Variants in CDH18 observed in about 807,000 individuals in gnomAD.
CDH18 encodes the protein cadherin 18, also known as cadherin-18.
Under a neutral mutation model 67.9 loss-of-function variants are expected in CDH18, and 31 were observed. The ratio of observed to expected loss-of-function variants is 0.46; its 90% CI spans 0.34 to 0.62. The LOEUF (loss-of-function observed/expected upper bound fraction) is 0.62. CDH18 is among the 20% of genes least tolerant of loss of function. The pLI, the probability that CDH18 is intolerant of heterozygous loss-of-function variation, is 0.01. For synonymous variants in CDH18, 362 were observed against 347.2 expected, an observed-to-expected ratio of 1.04 and a Z score of -0.48; for missense variants, 890 against 975.5, an observed-to-expected ratio of 0.91 and a Z score of 1.17.
intron 2 of CDH18, among the ~76,000 whole-genome samples, chr5:20,161,618 A>G (rs1165486448): frequency 6.6e-6 from 1 of 152,206 alleles, no homozygotes; most frequent in African/African-American, 2.4e-5. Context: ...GATCATTCAT[A>G]TCCAGTTTCT....
At position 19,862,882 on chromosome 5, in the gene CDH18, TGCATA is replaced by T. The variant is rs1785055777; in HGVS notation, c.-256-23645_-256-23641del. ...CTGACCCTGAAAAGACAGTTTATTA[TGCATA>T]GTTGCCAGGAGAAGGGGGTATGCCA... On this transcript the variant is annotated intron_variant, in intron 2 of 12. Coordinates refer to ENST00000382275, the MANE Select transcript of CDH18 (RefSeq NM_004934.5). Among the ~76,000 whole-genome samples the T allele has an allele frequency of 5.3e-5, 8 of 151,446 alleles. No homozygotes were observed. In the South Asian group the frequency reaches 1.7e-3, roughly 31 times the overall value.
Position 19,472,592 on chromosome 5 carries a change from A to G in CDH18, c.*634T>C, listed in dbSNP as rs577295797. 1.3e-5 allele frequency among the ~76,000 whole-genome samples: 2 copies of G among 152,232 alleles called. No homozygotes were observed. Among genetic ancestry groups the G allele is most frequent in the African/African-American group, 4.8e-5 (2 of 41,556 alleles). On this transcript the variant is annotated 3_prime_UTR_variant, in exon 13 of 13. Coordinates refer to ENST00000382275, the MANE Select transcript of CDH18 (RefSeq NM_004934.5). ...CAACTGGTGCACTGAAGTTGCATAC[A>G]TTATAGTGCAGGCAGCAAATCCCCA...
chr5:20,102,797 G>C (rs544632517), intron 2 of CDH18, among the ~76,000 whole-genome samples: 1 of 152,166 alleles, frequency 6.6e-6, no homozygotes, highest in East Asian at 1.9e-4. Flanking sequence ...ACAATCACAA[G>C]AGTCAAAATT....
intron 10 of CDH18, among the ~76,000 whole-genome samples, chr5:19,506,685 G>A (rs919456114): frequency 2.0e-5 from 3 of 152,118 alleles, no homozygotes; most frequent in Admixed American, 6.6e-5. Context: ...ATGCTGCTGG[G>A]AAACTGGCTA....
At chr5:19,688,953 G>A (rs184183756) in intron 5 of CDH18, among the ~76,000 whole-genome samples, 17 of 152,076 alleles carry the variant, frequency 1.1e-4, no homozygotes, top group Admixed American at 1.0e-3. Flanking sequence ...AAGAATTTTA[G>A]AATTTAAAGA....
intron 3 of CDH18, among the ~76,000 whole-genome samples, chr5:19,809,975 A>G (rs1289922827): frequency 1.3e-5 from 2 of 152,162 alleles, no homozygotes; most frequent in Non-Finnish European, 2.9e-5. Context: ...CACGGAAAAT[A>G]GAAAACTTGA....
intron 7 of CDH18, among the ~76,000 whole-genome samples, chr5:19,582,243 T>C (rs902909952): frequency 1.3e-5 from 2 of 151,920 alleles, no homozygotes; most frequent in African/African-American, 4.8e-5. Flanking sequence ...ATGACATAAA[T>C]AAAATAATTA....
intron 1 of CDH18, among the ~76,000 whole-genome samples, chr5:20,424,079 G>GA (rs945854949): frequency 1.3e-5 from 2 of 148,870 alleles, no homozygotes; most frequent in East Asian, 1.9e-4. Context: ...AATTACAGCA[G>GA]AAAAAAATGA....
intron 2 of CDH18, among the ~76,000 whole-genome samples, chr5:19,914,765 T>C (rs1309308008): frequency 6.6e-6 from 1 of 152,046 alleles, no homozygotes; most frequent in African/African-American, 2.4e-5. Flanking sequence ...AATCACTATT[T>C]ACCAAAGGAA....
intron 2 of CDH18, among the ~76,000 whole-genome samples, chr5:20,075,097 C>T (rs959157765): frequency 2.0e-5 from 3 of 152,198 alleles, no homozygotes; most frequent in South Asian, 2.1e-4. Flanking sequence ...TCTTTAGGCC[C>T]GTCTGGATTG....
At chr5:19,909,367 T>G (rs1360019389) in intron 2 of CDH18, among the ~76,000 whole-genome samples, 1 of 148,954 alleles carries the variant, frequency 6.7e-6, no homozygotes, top group Non-Finnish European at 1.5e-5. Context: ...TGGTGTGATC[T>G]CGGCTCACTG....
chr5:19,527,044 A>G lies in CDH18; in HGVS notation c.1391-6266T>C, dbSNP rs190944993. On this transcript the variant is annotated intron_variant, in intron 9 of 12. Coordinates refer to ENST00000382275, the MANE Select transcript of CDH18 (RefSeq NM_004934.5). Reference sequence around the variant, plus strand: ...CCTTATAGGAAAATTTAGAACTAAAATTACTCTCATTCTTTTGAATACTTA... The same window carrying G: ...CCTTATAGGAAAATTTAGAACTAAAGTTACTCTCATTCTTTTGAATACTTA... Among the ~76,000 whole-genome samples the G allele has an allele frequency of 3.6e-4, 55 of 152,064 alleles. 1 individual carries two copies. The East Asian group carries it at 9.9e-3, about 27-fold the overall frequency.
At chr5:20,374,760 T>G (rs1743276329) in intron 1 of CDH18, among the ~76,000 whole-genome samples, 1 of 151,958 alleles carries the variant, frequency 6.6e-6, no homozygotes, top group Non-Finnish European at 1.5e-5. Flanking sequence ...ATTCCAACAA[T>G]AATGACAATA....
At chr5:20,442,504 T>G (rs1749679546) in intron 1 of CDH18, among the ~76,000 whole-genome samples, 1 of 151,902 alleles carries the variant, frequency 6.6e-6, no homozygotes, top group Admixed American at 6.5e-5. Flanking sequence ...AATGTGCCAT[T>G]AAGTGGTGCG....
intron 1 of CDH18, among the ~76,000 whole-genome samples, chr5:20,366,537 G>A (rs567940791): frequency 1.3e-5 from 2 of 152,304 alleles, no homozygotes; most frequent in South Asian, 2.1e-4. Context: ...CCATGGTGGA[G>A]AAGCTGGAGC....
At position 20,463,247 on chromosome 5, in the gene CDH18, A is replaced by G. The variant is rs1581046906; in HGVS notation, c.-580+112215T>C. Among the ~76,000 whole-genome samples, 3 of 142,322 alleles carry G rather than the reference A, an allele frequency of 2.1e-5. No homozygotes were observed. The East Asian group carries it at 5.8e-4, about 28-fold the overall frequency. The allele number at this position is 142,322 out of a possible 152,430, so 93.4% of individuals were successfully genotyped here. ...GTGGTTTGTGTGCTTTTGTGATGCA[A>G]TTCTCTATGTGGAGAGAATTCTTTG... is the stretch of plus-strand genomic sequence containing the variant. On this transcript the variant is annotated intron_variant, in intron 1 of 14. Transcript: ENST00000507958.
At chr5:20,273,650 A>G (rs3925823) in intron 1 of CDH18, among the ~76,000 whole-genome samples, 17,759 of 152,024 alleles carry the variant, frequency 0.12, 1,568 homozygotes, top group African/African-American at 0.24. Context: ...TAAAAAAAAT[A>G]CATATTTTAT....
chr5:20,213,806 T>A (rs1055770006), intron 2 of CDH18, among the ~76,000 whole-genome samples: 2 of 152,086 alleles, frequency 1.3e-5, no homozygotes, highest in African/African-American at 4.8e-5. Flanking sequence ...TAGTAGTCTA[T>A]TTTACTAATT....
chr5:20,012,822 A>G (rs1343102881), intron 2 of CDH18, among the ~76,000 whole-genome samples: 1 of 152,062 alleles, frequency 6.6e-6, no homozygotes, highest in African/African-American at 2.4e-5. Flanking sequence ...CAAATTCCAC[A>G]CATTCTCACT....
Sources: gnomAD v4.1 joint callset for allele counts (sites outside exome capture counted in the v4.1 genomes callset) on GRCh38, gnomAD v4.1.1 for gene constraint, MANE v1.5 for transcripts, NCBI Gene and HGNC (gene_info 2026-07-23, HGNC 2026-07-21) for gene names.